Variants in AKAP6 observed in about 807,000 individuals in gnomAD.
AKAP6 encodes the protein A-kinase anchoring protein 6.
In AKAP6, 58 loss-of-function variants were observed where a neutral mutation model predicts 188.5. That is an observed-to-expected ratio of 0.31 (90% confidence interval 0.25 to 0.38). The LOEUF is 0.38. Ranked by LOEUF, AKAP6 falls within the 10% of genes least tolerant of loss-of-function variation. AKAP6 has a pLI of 1.00. For missense variants in AKAP6, 2,710 were observed against 2,740.0 expected, an observed-to-expected ratio of 0.99 and a Z score of 0.24; for synonymous variants, 989 against 998.6, an observed-to-expected ratio of 0.99 and a Z score of 0.18.
chr14:32,625,081 A>G (rs929451936), intron 7 of AKAP6, among the ~76,000 whole-genome samples: 1 of 152,130 alleles, frequency 6.6e-6, no homozygotes, highest in South Asian at 2.1e-4. Context: ...TTTGTTTTCA[A>G]TTCCTGCAAA....
In AKAP6 at chr14:32,462,909, A is replaced by AC. The variant is rs1368832550; in HGVS notation, c.324+29092_324+29093insC. ...ACCAAGCAAATGGAAAGCAAAAAAA[A>AC]AAAAAAAAAAAAAAAAACCCGGGGT... On this transcript the variant is annotated intron_variant, in intron 2 of 13. Transcript: ENST00000280979. Among the ~76,000 whole-genome samples, 36 of 134,634 alleles carry AC rather than the reference A, an allele frequency of 2.7e-4. No individual in the cohort carries two copies. The East Asian group carries it at 3.5e-3, about 13-fold the overall frequency. The allele number at this position is 134,634 out of a possible 152,430, so 88.3% of individuals were successfully genotyped here.
chr14:32,653,615 T>C (rs1237826169), intron 7 of AKAP6, among the ~76,000 whole-genome samples: 1 of 148,016 alleles, frequency 6.8e-6, no homozygotes, highest in Non-Finnish European at 1.5e-5. Flanking sequence ...CCTCTTTTCT[T>C]TATTAATTAC....
intron 11 of AKAP6, among the ~76,000 whole-genome samples, chr14:32,763,097 C>T (rs998157392): frequency 2.6e-5 from 4 of 152,096 alleles, no homozygotes; most frequent in African/African-American, 2.4e-5. Flanking sequence ...CCCAACTCCT[C>T]TTCAAGAGCC....
chr14:32,379,621 T>C (rs1203117243), intron 1 of AKAP6, among the ~76,000 whole-genome samples: 1 of 152,112 alleles, frequency 6.6e-6, no homozygotes, highest in African/African-American at 2.4e-5. Context: ...TATGAGAGGG[T>C]GTCTCCATCA....
At chr14:32,539,037 A>C (rs1882806690) in intron 3 of AKAP6, among the ~76,000 whole-genome samples, 1 of 152,000 alleles carries the variant, frequency 6.6e-6, no homozygotes, top group Non-Finnish European at 1.5e-5. Context: ...TATGTATAAG[A>C]CTCTATGCAT....
chr14:32,811,835 C>T lies in AKAP6; in HGVS notation c.3589-9567C>T, dbSNP rs142659853. On this transcript the variant is annotated intron_variant, in intron 12 of 13. Transcript: ENST00000280979. The stretch of plus-strand genomic sequence containing the variant: ...GCTCTCCTTGTACCTTCGACTACCT[C>T]GGGATCATGCCAAGAATCTTGTGTT... Among the ~76,000 whole-genome samples the T allele has an allele frequency of 9.7e-3, 1,470 of 152,252 alleles. 20 individuals are homozygous for T. Among genetic ancestry groups the T allele is most frequent in the African/African-American group, 0.034 (1,414 of 41,538 alleles).
intron 4 of AKAP6, among the ~76,000 whole-genome samples, chr14:32,563,898 G>A (rs1211723022): frequency 6.6e-6 from 1 of 152,078 alleles, no homozygotes; most frequent in Non-Finnish European, 1.5e-5. Flanking sequence ...TTATAATTTT[G>A]TCACACAACA....
intron 5 of AKAP6, among the ~76,000 whole-genome samples, chr14:32,581,565 C>T (rs533194497): frequency 2.6e-5 from 4 of 152,150 alleles, no homozygotes; most frequent in Admixed American, 1.3e-4. Context: ...CTTTCTGTCT[C>T]GTTGATCTGT....
At chr14:32,725,711 A>G (rs2030836717) in intron 9 of AKAP6, among the ~76,000 whole-genome samples, 1 of 152,224 alleles carries the variant, frequency 6.6e-6, no homozygotes, top group Non-Finnish European at 1.5e-5. Context: ...AGTGTTGGAA[A>G]TGTAGCTATA....
At chr14:32,348,857 A>G (rs1240130526) in intron 1 of AKAP6, among the ~76,000 whole-genome samples, 1 of 152,070 alleles carries the variant, frequency 6.6e-6, no homozygotes, top group Admixed American at 6.5e-5. Flanking sequence ...AGTGGCCCTA[A>G]ATTTTTTACT....
chr14:32,334,654 A>T (rs750751570), intron 1 of AKAP6, among the ~76,000 whole-genome samples: 24 of 152,222 alleles, frequency 1.6e-4, no homozygotes, highest in Non-Finnish European at 3.2e-4. Context: ...GGTTTCAGGC[A>T]TCCACTGGGG....
At chr14:32,633,382 A>G (rs1234930518) in intron 7 of AKAP6, among the ~76,000 whole-genome samples, 1 of 152,108 alleles carries the variant, frequency 6.6e-6, no homozygotes, top group African/African-American at 2.4e-5. Context: ...CAAAAAGCAC[A>G]GGGTTACTCT....
At chr14:32,598,424 G>C (rs1885791443) in intron 5 of AKAP6, among the ~76,000 whole-genome samples, 2 of 152,106 alleles carry the variant, frequency 1.3e-5, no homozygotes, top group South Asian at 4.1e-4. Flanking sequence ...AGTAATCACA[G>C]AGATGGAAAA....
At chr14:32,614,788 C>T (rs1886491240) in intron 7 of AKAP6, among the ~76,000 whole-genome samples, 1 of 152,070 alleles carries the variant, frequency 6.6e-6, no homozygotes, top group African/African-American at 2.4e-5. Context: ...ACCATAAGGG[C>T]TCCCTTTGCA....
intron 5 of AKAP6, among the ~76,000 whole-genome samples, chr14:32,579,645 G>A (rs141368711): frequency 2.9e-4 from 44 of 152,212 alleles, no homozygotes; most frequent in African/African-American, 1.0e-3. Flanking sequence ...TACAGCCTGT[G>A]GCTCAAACAT....
chr14:32,628,066 AAC>A (rs1248328195), intron 7 of AKAP6: 1 of 152,124 alleles, frequency 6.6e-6, no homozygotes, highest in Non-Finnish European at 1.5e-5. Flanking sequence ...GGAAAAATGC[AAC>A]AGTTGTTGAA....
intron 5 of AKAP6, among the ~76,000 whole-genome samples, chr14:32,587,192 A>G (rs1885289711): frequency 6.6e-6 from 1 of 151,176 alleles, no homozygotes; most frequent in Admixed American, 6.6e-5. Flanking sequence ...AACTATTTTT[A>G]AAATTCTTAG....
intron 9 of AKAP6, among the ~76,000 whole-genome samples, chr14:32,712,735 C>T (rs187367251): frequency 4.6e-5 from 7 of 152,198 alleles, no homozygotes; most frequent in Admixed American, 6.5e-5. Flanking sequence ...TCAGGCTCTA[C>T]CTCCAATTCT....
chr14:32,406,515 T>A (rs1231107188), intron 1 of AKAP6, among the ~76,000 whole-genome samples: 1 of 152,144 alleles, frequency 6.6e-6, no homozygotes, highest in Non-Finnish European at 1.5e-5. Flanking sequence ...GGGAATACAA[T>A]GTTTTTATAA....
Sources: allele counts gnomAD v4.1 joint callset (sites outside exome capture counted in the v4.1 genomes callset), GRCh38; gene constraint gnomAD v4.1.1; transcripts MANE v1.5; gene names NCBI Gene and HGNC (gene_info 2026-07-23, HGNC 2026-07-21).